Variants in CFAP57 observed in about 807,000 individuals in gnomAD.
CFAP57 encodes the protein cilia and flagella associated protein 57, also known as cilia- and flagella-associated protein 57.
CFAP57 carries 116 observed loss-of-function variants against 146.8 expected under a neutral mutation model. The observed-to-expected ratio is 0.79, with a 90% CI of 0.68 to 0.92. CFAP57 has a LOEUF of 0.92. Ranked by LOEUF, CFAP57 falls within the 40% of genes least tolerant of loss-of-function variation. The pLI, the probability that CFAP57 is intolerant of heterozygous loss-of-function variation, is 0.00. For missense variants in CFAP57, 1,377 were observed against 1,527.2 expected, an observed-to-expected ratio of 0.90 and a Z score of 1.64; for synonymous variants, 518 against 552.8, an observed-to-expected ratio of 0.94 and a Z score of 0.88.
chr1:43,187,299 T>C (rs966137889), intron 6 of CFAP57, among the ~76,000 whole-genome samples: 2 of 152,214 alleles, frequency 1.3e-5, no homozygotes, highest in African/African-American at 4.8e-5. Flanking sequence ...AGAGATCATA[T>C]TGTACTTAAA....
Position 43,206,791 on chromosome 1 carries a change from A to G in CFAP57, c.1614A>G (p.Glu538=), listed in dbSNP as rs1292475546. The G allele has an allele frequency of 6.2e-7, 1 of 1,614,172 alleles. No homozygotes were observed. The highest frequency in any genetic ancestry group is 8.5e-7 in the Non-Finnish European group (1 of 1,180,028). ...ISGGTDGAVY[E]WNLSTGKRET... ...GTGGCACAGATGGTGCTGTGTATGA[A>G]TGGAATCTGTCCACAGGAAAGAGAG... The change falls in exon 10 of 23, where the codon GAA becomes GAG. Residue 538 remains glutamate, a synonymous_variant. Coordinates refer to ENST00000372492, the MANE Select transcript of CFAP57 (RefSeq NM_001378189.1).
intron 21 of CFAP57, among the ~76,000 whole-genome samples, chr1:43,242,117 C>T (rs1302132761): frequency 6.6e-6 from 1 of 152,216 alleles, no homozygotes; most frequent in East Asian, 1.9e-4. Flanking sequence ...AGCTGTGTCA[C>T]ATTCTGTGCC....
At chr1:43,181,902 T>C in intron 3 of CFAP57, 52 bp downstream of exon 3, 1 of 1,583,292 alleles carries the variant, frequency 6.3e-7, no homozygotes, top group Non-Finnish European at 8.7e-7. Context: ...TAGAACTACT[T>C]TTTATTGAAT....
intron 9 of CFAP57, 54 bp downstream of exon 9, chr1:43,199,557 G>T (rs1038075755): frequency 1.3e-6 from 2 of 1,486,344 alleles, no homozygotes; most frequent in African/African-American, 2.8e-5. Context: ...CAAGTATGCC[G>T]CCAGCCAGTG....
intron 3 of CFAP57, among the ~76,000 whole-genome samples, chr1:43,183,296 C>T (rs1645494365): frequency 6.6e-6 from 1 of 152,190 alleles, no homozygotes. Context: ...GTGTTTCCAG[C>T]TGAGCTTTAT....
intron 4 of CFAP57, chr1:43,184,802 A>G (rs1645577729): frequency 4.8e-6 from 1 of 206,296 alleles, no homozygotes; most frequent in Non-Finnish European, 8.9e-6. Flanking sequence ...AAAAGTCTCT[A>G]TAACCTTCTC....
intron 11 of CFAP57, among the ~76,000 whole-genome samples, chr1:43,211,190 A>G (rs916502903): frequency 1.3e-5 from 2 of 152,196 alleles, no homozygotes; most frequent in African/African-American, 2.4e-5. Flanking sequence ...AATTACTACA[A>G]CATATTCCAC....
chr1:43,211,758 G>A (rs994717387), intron 11 of CFAP57, among the ~76,000 whole-genome samples: 5 of 152,120 alleles, frequency 3.3e-5, no homozygotes, highest in Admixed American at 3.3e-4. Flanking sequence ...ATATTCCTCA[G>A]AAGCATGATT....
intron 21 of CFAP57, among the ~76,000 whole-genome samples, chr1:43,235,503 CA>C (rs1232308143): frequency 6.6e-6 from 1 of 152,136 alleles, no homozygotes; most frequent in African/African-American, 2.4e-5. Context: ...TGAAACAAAC[CA>C]GTTCCCAGCT....
At chr1:43,246,382 G>A (rs1165692693) in intron 22 of CFAP57, among the ~76,000 whole-genome samples, 1 of 152,136 alleles carries the variant, frequency 6.6e-6, no homozygotes, top group Non-Finnish European at 1.5e-5. Context: ...CAAATAAATG[G>A]TCAAGTGATT....
intron 18 of CFAP57, among the ~76,000 whole-genome samples, chr1:43,230,049 A>G (rs568729960): frequency 1.3e-5 from 2 of 152,300 alleles, no homozygotes; most frequent in Admixed American, 1.3e-4. Flanking sequence ...CCAGCCAGCT[A>G]CTCAAATTTG....
rs201091927 is a variant in CFAP57, at chr1:43,197,631, A to G, written c.1201A>G (p.Lys401Glu). 1.2e-6 allele frequency: 2 copies of G among 1,614,142 alleles called. No individual in the cohort carries two copies. The highest frequency in any genetic ancestry group is 1.7e-6 in the Non-Finnish European group (2 of 1,180,038). Residue 401 changes from lysine (K) to glutamate (E), a missense_variant, in exon 7 of 23, where the codon AAA becomes GAA. Transcript: ENST00000372492. Reference protein sequence around the residue: ...PITGLATCIRKPLIATCSLDR... With the variant: ...PITGLATCIREPLIATCSLDR... ...CACCGGTCTAGCTACCTGCATCCGC[A>G]AACCCCTTATAGCCACCTGTTCTCT... is the stretch of plus-strand genomic sequence containing the variant.
chr1:43,200,170 G>A (rs1644054396), intron 9 of CFAP57, among the ~76,000 whole-genome samples: 1 of 152,174 alleles, frequency 6.6e-6, no homozygotes, highest in Admixed American at 6.5e-5. Context: ...GATACAGTTA[G>A]GGAGAAGTGG....
At chr1:43,244,909 C>CAAAAAACA (rs1366973057) in intron 22 of CFAP57, among the ~76,000 whole-genome samples, 3 of 151,722 alleles carry the variant, frequency 2.0e-5, no homozygotes, top group African/African-American at 7.3e-5. Flanking sequence ...TCTCAAAAAA[C>CAAAAAACA]AAAAAACAAA....
chr1:43,196,635 T>C (rs1278424509), intron 6 of CFAP57: 1 of 152,242 alleles, frequency 6.6e-6, no homozygotes, highest in Non-Finnish European at 1.5e-5. Context: ...TCTCATTAAA[T>C]TTCCCAACGA....
At chr1:43,172,549 C>T (rs1341487760) in intron 1 of CFAP57, 96 bp downstream of exon 1, 6 of 695,784 alleles carry the variant, frequency 8.6e-6, no homozygotes, top group African/African-American at 2.7e-5. Context: ...TGGGGTGGCG[C>T]GGAGGAGGAC....
rs1256261613 is a variant in CFAP57, at chr1:43,210,005, C to G, written c.1929+89C>G. 3.7e-6 allele frequency: 6 copies of G among 1,612,336 alleles called. No individual in the cohort carries two copies. In the South Asian group the frequency reaches 4.4e-5, roughly 12 times the overall value. ...CCTTCAACCTCCCAATGTCTTTTCT[C>G]TCTCCTTCTTCTCTCTTATTTATTC... On this transcript the variant is annotated intron_variant, in intron 11 of 22. Coordinates refer to ENST00000372492, the MANE Select transcript of CFAP57 (RefSeq NM_001378189.1).
intron 21 of CFAP57, among the ~76,000 whole-genome samples, chr1:43,240,997 GCTAA>G (rs1241243436): frequency 6.6e-6 from 1 of 152,170 alleles, no homozygotes; most frequent in Non-Finnish European, 1.5e-5. Context: ...ACCACGCCCG[GCTAA>G]CTGTTTGTAT....
intron 21 of CFAP57, among the ~76,000 whole-genome samples, chr1:43,240,549 A>G (rs1284102366): frequency 1.3e-5 from 2 of 152,196 alleles, no homozygotes; most frequent in Non-Finnish European, 2.9e-5. Flanking sequence ...AGGGTAAAGC[A>G]TTCGATGGAG....
Sources: gnomAD v4.1 joint callset for allele counts (sites outside exome capture counted in the v4.1 genomes callset) on GRCh38, gnomAD v4.1.1 for gene constraint, MANE v1.5 for transcripts, NCBI Gene and HGNC (gene_info 2026-07-23, HGNC 2026-07-21) for gene names.